ZBBX: variants seen among roughly 807,000 people sequenced by gnomAD.
ZBBX encodes zinc finger B-box domain-containing protein 1.
In ZBBX, 101 loss-of-function variants were observed where a neutral mutation model predicts 108.5. The observed-to-expected ratio is 0.93, with a 90% CI of 0.79 to 1.10. The LOEUF is 1.10. Among genes scored for constraint, ZBBX ranks in the 50% least tolerant of loss-of-function variants. The pLI is 0.00. For missense variants in ZBBX, 1,009 were observed against 941.4 expected, an observed-to-expected ratio of 1.07 and a Z score of -0.94; for synonymous variants, 356 against 323.4, an observed-to-expected ratio of 1.10 and a Z score of -1.08.
chr3:167,396,353 T>A (rs1748235314), intron 1 of ZBBX, among the ~76,000 whole-genome samples: 1 of 151,946 alleles, frequency 6.6e-6, no homozygotes, highest in Non-Finnish European at 1.5e-5. Context: ...AGGATTTCTA[T>A]GCTGTGCAAC....
intron 8 of ZBBX, among the ~76,000 whole-genome samples, chr3:167,353,556 T>G (rs868121187): frequency 1.3e-5 from 2 of 152,046 alleles, no homozygotes; most frequent in Admixed American, 6.6e-5. Flanking sequence ...GGCTATGATG[T>G]TCCCATTCAG....
the ZBBX span, among the ~76,000 whole-genome samples, chr3:167,200,227 C>A: frequency 6.6e-6 from 1 of 152,024 alleles, no homozygotes; most frequent in Non-Finnish European, 1.5e-5. Context: ...ATGAATTTGG[C>A]AGAGGAGAGG....
chr3:167,383,774 A>G (rs1036202986), upstream of ZBBX, among the ~76,000 whole-genome samples: 2 of 152,122 alleles, frequency 1.3e-5, no homozygotes, highest in Non-Finnish European at 2.9e-5. Context: ...ACATTTATTC[A>G]ACACCTGTTC....
At chr3:167,250,672 C>CAGCAG (rs1722431423) in intron 20 of ZBBX, among the ~76,000 whole-genome samples, 1 of 152,102 alleles carries the variant, frequency 6.6e-6, no homozygotes, top group Non-Finnish European at 1.5e-5. Context: ...ACAATGCCCC[C>CAGCAG]TGTCAGCAGG....
the ZBBX span, among the ~76,000 whole-genome samples, chr3:167,210,932 G>GA: frequency 3.2e-4 from 48 of 151,136 alleles, no homozygotes; most frequent in South Asian, 6.3e-3. Context: ...TCATCAGTAT[G>GA]AAAAAAAAAG....
intron 9 of ZBBX, among the ~76,000 whole-genome samples, chr3:167,347,603 C>CA (rs1255487338): frequency 2.0e-5 from 3 of 151,972 alleles, no homozygotes; most frequent in East Asian, 1.9e-4. Flanking sequence ...ATTAGCTGAA[C>CA]AAAAAAGCTG....
rs35190925 is a variant in ZBBX, at chr3:167,305,836, A to G, written c.1532T>C (p.Ile511Thr). Residue 511 changes from isoleucine to threonine, a missense_variant, in exon 17 of 22, where the codon ATA becomes ACA. Physicochemically the swap from Ile to Thr is moderately conservative, Grantham distance 89. Coordinates refer to ENST00000675490, the MANE Select transcript of ZBBX (RefSeq NM_001199201.2). The stretch of plus-strand genomic sequence containing the variant: ...AGACTTTTGATTACTTTCTAAACCT[A>G]TATTTTTCTCCTTTAAATTTCTTTC... ...SFERNLKEKN[I>T]GLESNQKSDD... is the part of the protein sequence containing the mutation. 171,748 of 1,610,612 alleles carry G rather than the reference A, an allele frequency of 0.11. 10,180 individuals carry two copies. The highest frequency in any genetic ancestry group is 0.18 in the Middle Eastern group (1,055 of 5,924).
At chr3:167,227,114 A>C in the ZBBX span, among the ~76,000 whole-genome samples, 1 of 151,728 alleles carries the variant, frequency 6.6e-6, no homozygotes, top group Non-Finnish European at 1.5e-5. Flanking sequence ...ACAATCTATA[A>C]ATACTTATTA....
intron 9 of ZBBX, among the ~76,000 whole-genome samples, chr3:167,350,154 G>A (rs994927688): frequency 6.6e-6 from 1 of 151,968 alleles, no homozygotes; most frequent in African/African-American, 2.4e-5. Context: ...ATTTTTAAGT[G>A]TCAAGTTCAC....
chr3:167,363,438 C>T (rs1034839876), intron 6 of ZBBX, among the ~76,000 whole-genome samples: 8 of 152,032 alleles, frequency 5.3e-5, no homozygotes, highest in Non-Finnish European at 1.0e-4. Flanking sequence ...CCCACCTCAC[C>T]ACTTGTCAAA....
chr3:167,229,535 T>C, the ZBBX span, among the ~76,000 whole-genome samples: 3 of 151,788 alleles, frequency 2.0e-5, no homozygotes, highest in Non-Finnish European at 4.4e-5. Flanking sequence ...AAATAAAGTA[T>C]CTCACAGAAT....
At chr3:167,317,729 T>C in intron 12 of ZBBX, 132 bp from the exon 13 acceptor site, 2 of 524,580 alleles carry the variant, frequency 3.8e-6, no homozygotes, top group Non-Finnish European at 6.7e-6. Flanking sequence ...GTACCTTTAA[T>C]TCAAAGATAA....
At chr3:167,191,896 C>CATATAAAT in the ZBBX span, among the ~76,000 whole-genome samples, 1 of 67,950 alleles carries the variant, frequency 1.5e-5, no homozygotes, top group Non-Finnish European at 2.5e-5. Flanking sequence ...TTACAAAAAT[C>CATATAAAT]ATATATATAT....
chr3:167,405,006 G>C (rs887743210), intron 1 of ZBBX, among the ~76,000 whole-genome samples: 1 of 152,168 alleles, frequency 6.6e-6, no homozygotes, highest in African/African-American at 2.4e-5. Flanking sequence ...TGATACAAGG[G>C]AGAGGTGGCA....
intron 20 of ZBBX, among the ~76,000 whole-genome samples, chr3:167,248,972 T>A (rs1256390127): frequency 6.6e-6 from 1 of 152,128 alleles, no homozygotes; most frequent in Non-Finnish European, 1.5e-5. Flanking sequence ...ATTTTCTGAG[T>A]CTTTGTTGAA....
At chr3:167,276,618 C>A (rs945843155) in intron 20 of ZBBX, among the ~76,000 whole-genome samples, 3 of 152,136 alleles carry the variant, frequency 2.0e-5, no homozygotes, top group Admixed American at 6.5e-5. Context: ...CTACGTCTGA[C>A]TGGTGTACCT....
At chr3:167,237,431 T>C (rs970571033), downstream of ZBBX, among the ~76,000 whole-genome samples, 2 of 151,920 alleles carry the variant, frequency 1.3e-5, no homozygotes, top group Non-Finnish European at 2.9e-5. Context: ...ATTTATCCAA[T>C]AGTGGTTAAA....
At chr3:167,301,201 T>C (rs1446245461) in intron 17 of ZBBX, among the ~76,000 whole-genome samples, 2 of 152,204 alleles carry the variant, frequency 1.3e-5, no homozygotes, top group South Asian at 2.1e-4. Context: ...AATAGAGTAG[T>C]ATGCATTAAC....
the ZBBX span, among the ~76,000 whole-genome samples, chr3:167,230,622 A>G: frequency 2.6e-5 from 4 of 151,792 alleles, no homozygotes; most frequent in Admixed American, 6.6e-5. Flanking sequence ...AAGGTCCTGA[A>G]GCTAGAACCA....
Sources: allele counts gnomAD v4.1 joint callset (sites outside exome capture counted in the v4.1 genomes callset), GRCh38; gene constraint gnomAD v4.1.1; transcripts MANE v1.5; gene names NCBI Gene and HGNC (gene_info 2026-07-23, HGNC 2026-07-21).